The following PRH1 variants were observed in gnomAD, a reference collection of about 807,000 sequenced individuals.
PRH1 encodes salivary acidic proline-rich phosphoprotein 1/2.
Under a neutral mutation model 7.9 loss-of-function variants are expected in PRH1, and 7 were observed. The observed-to-expected ratio is 0.89, with a 90% CI of 0.50 to 1.67. The LOEUF is 1.67. Among genes scored for constraint, PRH1 ranks in the 40% most tolerant of loss-of-function variants. The pLI is 0.00. For missense variants in PRH1, 109 were observed against 223.6 expected (o/e 0.49, Z 3.27); for synonymous variants, 45 against 80.8 (o/e 0.56, Z 2.38).
At chr12:11,056,078 A>G (rs1943351499) in intron 1 of PRH1, among the ~76,000 whole-genome samples, 2 of 152,284 alleles carry the variant, frequency 1.3e-5, no homozygotes, top group African/African-American at 4.8e-5. Context: ...TTCTAAAATG[A>G]AAAAATAATT....
chr12:10,991,397 T>A lies in PRH1; in HGVS notation c.-125-17676A>T, dbSNP rs189876840. ...TTCTATAATGATAATCCCCTGCCTA[T>A]CAATCTACATGGCTATTTTAAATAA... On this transcript the variant is annotated intron_variant, in intron 1 of 3. Transcript: ENST00000539853. Among the ~76,000 whole-genome samples, 100 of 152,276 alleles carry A rather than the reference T, an allele frequency of 6.6e-4. 1 individual carries two copies. The Middle Eastern group carries it at 0.017, about 26-fold the overall frequency.
intron 1 of PRH1, among the ~76,000 whole-genome samples, chr12:11,056,266 G>A (rs1229854357): frequency 1.3e-5 from 2 of 152,238 alleles, no homozygotes; most frequent in Non-Finnish European, 2.9e-5. Flanking sequence ...TTCCATTGAA[G>A]AGTCTACACT....
chr12:10,901,697 C>T (rs1270588094), intron 2 of PRH1, among the ~76,000 whole-genome samples: 4 of 152,080 alleles, frequency 2.6e-5, no homozygotes, highest in Admixed American at 6.6e-5. Context: ...TAGGTTGAAC[C>T]GCACAGTCTA....
chr12:11,159,025 G>T, intron 1 of PRH1: 1 of 154,896 alleles, frequency 6.5e-6, no homozygotes, highest in Non-Finnish European at 1.4e-5. Context: ...CCATTTTCAT[G>T]GCCCTTTTAT....
At chr12:11,031,609 CCCT>C (rs1942222442) in intron 1 of PRH1, among the ~76,000 whole-genome samples, 1 of 151,638 alleles carries the variant, frequency 6.6e-6, no homozygotes, top group African/African-American at 2.4e-5. Flanking sequence ...CTTATTTGTC[CCCT>C]CCCATTTTCC....
intron 1 of PRH1, among the ~76,000 whole-genome samples, chr12:11,101,284 T>C (rs1488685429): frequency 6.6e-6 from 1 of 152,136 alleles, no homozygotes; most frequent in Non-Finnish European, 1.5e-5. Flanking sequence ...GCACAGGAGT[T>C]CAAGACCTGC....
chr12:10,948,060 ATTCT>A (rs1950514764), intron 2 of PRH1, among the ~76,000 whole-genome samples: 1 of 152,156 alleles, frequency 6.6e-6, no homozygotes, highest in South Asian at 2.1e-4. Context: ...TGCCTTTAAC[ATTCT>A]TTCTTTTATT....
chr12:10,986,502 T>C, intron 1 of PRH1: 1 of 1,613,982 alleles, frequency 6.2e-7, no homozygotes, highest in Non-Finnish European at 8.5e-7. Flanking sequence ...CCTCTTTAAA[T>C]GAAGAAAAAG....
intron 1 of PRH1, among the ~76,000 whole-genome samples, chr12:11,021,387 T>C (rs559736909): frequency 6.6e-6 from 1 of 151,812 alleles, no homozygotes; most frequent in Admixed American, 6.6e-5. Context: ...TCAAATGAAA[T>C]ACTATACAAT....
intron 2 of PRH1, among the ~76,000 whole-genome samples, chr12:10,900,164 A>G (rs946612305): frequency 1.3e-5 from 2 of 152,154 alleles, no homozygotes; most frequent in African/African-American, 4.8e-5. Context: ...AAAAAAGTGA[A>G]TGAAGCTCCA....
intron 1 of PRH1, among the ~76,000 whole-genome samples, chr12:11,126,926 G>A (rs909160235): frequency 3.7e-4 from 32 of 87,062 alleles, no homozygotes; most frequent in African/African-American, 9.9e-4. Flanking sequence ...TACTGTTATG[G>A]AAAATAATGA....
At chr12:10,975,431 A>C (rs1422573100) in intron 1 of PRH1, among the ~76,000 whole-genome samples, 1 of 152,214 alleles carries the variant, frequency 6.6e-6, no homozygotes, top group African/African-American at 2.4e-5. Flanking sequence ...GGAGTACTAA[A>C]CATGGAAAGA....
At chr12:11,117,664 A>G (rs551437187), downstream of PRH1, among the ~76,000 whole-genome samples, 25 of 152,340 alleles carry the variant, frequency 1.6e-4, no homozygotes, top group African/African-American at 6.0e-4. Context: ...ACTTCATATG[A>G]TACTTACTAC....
chr12:11,067,059 C>T (rs1282210579), intron 1 of PRH1, among the ~76,000 whole-genome samples: 6 of 151,802 alleles, frequency 4.0e-5, no homozygotes, highest in African/African-American at 1.2e-4. Context: ...CAAATTCTTG[C>T]AAGCCTTTTT....
chr12:11,099,027 T>C (rs1945148777), intron 1 of PRH1, among the ~76,000 whole-genome samples: 2 of 152,168 alleles, frequency 1.3e-5, no homozygotes, highest in South Asian at 4.1e-4. Flanking sequence ...CTCTCAAGTC[T>C]AATGTTTAAA....
At chr12:10,946,888 T>C (rs1420083524) in intron 2 of PRH1, among the ~76,000 whole-genome samples, 2 of 150,470 alleles carry the variant, frequency 1.3e-5, no homozygotes, top group African/African-American at 4.8e-5. Context: ...CTTAAATTTA[T>C]CTAAAAGTCA....
rs768435687 is a variant in PRH1, at chr12:10,929,156, C to T, written c.-59+44499G>A. The T allele has an allele frequency of 8.4e-6, 11 of 1,304,088 alleles. No individual in the cohort carries two copies. The East Asian group carries it at 1.2e-4, about 14-fold the overall frequency. 80.8% of individuals were successfully genotyped at this position (1,304,088 alleles called of 1,614,324 possible). A position where few individuals can be genotyped will look rare whatever the true frequency, so the allele number is the denominator to read the frequency against. On this transcript the variant is annotated intron_variant, in intron 2 of 3. Coordinates refer to the PRH1 transcript ENST00000539853. ...GCAAAGCAGAACCCAGTCTCTGAGG[C>T]GAGGAGGCCCACCTGGTAGGGAGCT...
At chr12:10,984,341 A>G (rs1280783913) in intron 1 of PRH1, among the ~76,000 whole-genome samples, 1 of 152,186 alleles carries the variant, frequency 6.6e-6, no homozygotes, top group Non-Finnish European at 1.5e-5. Flanking sequence ...TATAATGGCC[A>G]TACTTCTGCT....
intron 2 of PRH1, among the ~76,000 whole-genome samples, chr12:10,916,853 GC>G (rs1949978803): frequency 6.6e-6 from 1 of 151,634 alleles, no homozygotes; most frequent in African/African-American, 2.4e-5. Flanking sequence ...TTTGAGACCA[GC>G]CTGAACAACA....
Sources: gnomAD v4.1 joint callset for allele counts (sites outside exome capture counted in the v4.1 genomes callset) on GRCh38, gnomAD v4.1.1 for gene constraint, MANE v1.5 for transcripts, NCBI Gene and HGNC (gene_info 2026-07-23, HGNC 2026-07-21) for gene names.